The following DMC1 variants were observed in gnomAD, a reference collection of about 807,000 sequenced individuals.
DMC1 encodes DNA meiotic recombinase 1.
In DMC1, 27 loss-of-function variants were observed where a neutral mutation model predicts 50.1. That is an observed-to-expected ratio of 0.54 (90% CI 0.40 to 0.74). The LOEUF is 0.74. DMC1 is among the 30% of genes least tolerant of loss of function. The pLI is 0.00. For synonymous variants in DMC1, 148 were observed against 136.1 expected (o/e 1.09, Z -0.61); for missense variants, 295 against 420.2 (o/e 0.70, Z 2.60).
At chr22:38,554,876 G>C (rs9622828) in intron 6 of DMC1, among the ~76,000 whole-genome samples, 1,533 of 151,326 alleles carry the variant, frequency 0.01, 34 homozygotes, top group African/African-American at 0.035. Flanking sequence ...GAGGTCAGGA[G>C]ATCAAGACCA....
intron 8 of DMC1, chr22:38,546,043 C>T (rs981195622): frequency 6.6e-6 from 1 of 152,416 alleles, no homozygotes; most frequent in Non-Finnish European, 1.5e-5. Flanking sequence ...TGTTCTTCTC[C>T]ACTCTCTCTT....
chr22:38,558,848 A>G (rs989478520), intron 5 of DMC1, among the ~76,000 whole-genome samples: 2 of 152,194 alleles, frequency 1.3e-5, no homozygotes, highest in African/African-American at 4.8e-5. Flanking sequence ...TTAGACCACC[A>G]TGTGGTAGAG....
chr22:38,538,984 C>A (rs975244064), intron 9 of DMC1, among the ~76,000 whole-genome samples: 1 of 150,248 alleles, frequency 6.7e-6, no homozygotes, highest in Non-Finnish European at 1.5e-5. Context: ...TGCAGTGAGC[C>A]GAGATCATAC....
At chr22:38,528,841 G>A (rs2090124417) in intron 12 of DMC1, among the ~76,000 whole-genome samples, 1 of 152,020 alleles carries the variant, frequency 6.6e-6, no homozygotes, top group Non-Finnish European at 1.5e-5. Context: ...AAACAATTCA[G>A]CTAAAACAGT....
chr22:38,526,486 G>T (rs2090091003), intron 12 of DMC1, among the ~76,000 whole-genome samples: 1 of 152,076 alleles, frequency 6.6e-6, no homozygotes, highest in African/African-American at 2.4e-5. Context: ...GGGATTACAG[G>T]CGTGGGCCAC....
intron 5 of DMC1, among the ~76,000 whole-genome samples, chr22:38,560,558 T>G (rs1411742478): frequency 6.6e-6 from 1 of 151,608 alleles, no homozygotes; most frequent in Non-Finnish European, 1.5e-5. Context: ...GGAGGTTAAT[T>G]AGAGGTTATT....
At chr22:38,518,473 G>A (rs1045753078), downstream of DMC1, among the ~76,000 whole-genome samples, 3 of 151,778 alleles carry the variant, frequency 2.0e-5, no homozygotes, top group Non-Finnish European at 4.4e-5. Context: ...ATAATTTCAT[G>A]AATAATCAAA....
At chr22:38,552,787 A>G (rs955531741) in intron 6 of DMC1, 80 bp from the exon 7 acceptor site, 1 of 920,898 alleles carries the variant, frequency 1.1e-6, no homozygotes, top group African/African-American at 1.7e-5. Flanking sequence ...TGGCTTTAGA[A>G]TATTACTGTT....
chr22:38,532,482 C>T (rs929623065), intron 12 of DMC1, among the ~76,000 whole-genome samples: 11 of 150,442 alleles, frequency 7.3e-5, no homozygotes, highest in African/African-American at 2.4e-4. Context: ...CATTTACGCC[C>T]GGCTAATTTT....
At chr22:38,514,527 C>T (rs1346297466), downstream of DMC1, among the ~76,000 whole-genome samples, 1 of 151,936 alleles carries the variant, frequency 6.6e-6, no homozygotes, top group African/African-American at 2.4e-5. Flanking sequence ...CAGGTGTGAG[C>T]CACCAGGCAT....
At position 38,519,848 on chromosome 22, in the gene DMC1, TATC is replaced by T. The variant is rs1371883360; in HGVS notation, c.*169_*171del. The T allele has an allele frequency of 1.7e-6, 1 of 604,016 alleles. No homozygotes were observed. Among genetic ancestry groups the T allele is most frequent in the Non-Finnish European group, 3.0e-6 (1 of 329,934 alleles). The allele number at this position is 604,016 out of a possible 1,614,324, so 37.4% of individuals were successfully genotyped here. On this transcript the variant is annotated 3_prime_UTR_variant, in exon 14 of 14. Transcript: ENST00000216024. ...CCTGAATTTACATACAATGTATAGT[TATC>T]ATAAATCAGGGACTTTTAAGATAAA...
At chr22:38,521,769 A>G in intron 12 of DMC1, 45 bp from the exon 13 acceptor site, 4 of 1,294,320 alleles carry the variant, frequency 3.1e-6, no homozygotes, top group South Asian at 2.4e-5. Flanking sequence ...TATGGACTAT[A>G]TATGGCAATA....
chr22:38,533,906 A>G (rs963345546), intron 12 of DMC1, among the ~76,000 whole-genome samples: 13 of 152,254 alleles, frequency 8.5e-5, no homozygotes, highest in African/African-American at 2.9e-4. Flanking sequence ...GCCTCCTGAT[A>G]TGATATACTG....
At chr22:38,514,403 C>T (rs559586792), downstream of DMC1, among the ~76,000 whole-genome samples, 361 of 151,818 alleles carry the variant, frequency 2.4e-3, no homozygotes, top group African/African-American at 8.5e-3. Context: ...CAACATGACG[C>T]CCAGCTAATT....
chr22:38,545,484 G>C (rs557805370), intron 8 of DMC1, among the ~76,000 whole-genome samples: 1 of 152,024 alleles, frequency 6.6e-6, no homozygotes, highest in Non-Finnish European at 1.5e-5. Context: ...CTGCAGTGGC[G>C]CTATCTCGGC....
At chr22:38,514,010 C>T (rs983624905), downstream of DMC1, among the ~76,000 whole-genome samples, 5 of 152,166 alleles carry the variant, frequency 3.3e-5, no homozygotes, top group African/African-American at 4.8e-5. Flanking sequence ...ATCAGCAGAG[C>T]AGGAGATGGA....
chr22:38,528,468 A>T (rs2090120155), intron 12 of DMC1, among the ~76,000 whole-genome samples: 1 of 152,038 alleles, frequency 6.6e-6, no homozygotes, highest in African/African-American at 2.4e-5. Flanking sequence ...CACATAAGAG[A>T]TCCTCGATAA....
chr22:38,538,589 C>A lies in DMC1; in HGVS notation c.610G>T (p.Asp204Tyr). Reference protein sequence around the residue: ...YTSEHQMELLDYVAAKFHEEA... With the variant: ...YTSEHQMELLYYVAAKFHEEA... ...TCATGGAACTTTGCTGCTACATAATCAAGTAGCTCCATCTGATGTTCACCT... is the reference window on the plus strand; with the variant it reads ...TCATGGAACTTTGCTGCTACATAATAAAGTAGCTCCATCTGATGTTCACCT... Residue 204 changes from aspartate to tyrosine, a missense_variant, in exon 10 of 14, where the codon GAT (aspartate) becomes TAT (tyrosine). Asp to Tyr is a radical substitution (Grantham distance 160). Transcript: ENST00000216024. 6.2e-7 allele frequency: 1 copy of A among 1,613,758 alleles called. No homozygotes were observed. Among genetic ancestry groups the A allele is most frequent in the Non-Finnish European group, 8.5e-7 (1 of 1,179,762 alleles).
intron 12 of DMC1, among the ~76,000 whole-genome samples, chr22:38,524,582 T>C (rs2090066957): frequency 6.6e-6 from 1 of 152,180 alleles, no homozygotes; most frequent in Non-Finnish European, 1.5e-5. Context: ...CTTCCTTTTT[T>C]CTGATTTCAG....
Sources: allele counts gnomAD v4.1 joint callset (sites outside exome capture counted in the v4.1 genomes callset), GRCh38; gene constraint gnomAD v4.1.1; transcripts MANE v1.5; gene names NCBI Gene and HGNC (gene_info 2026-07-23, HGNC 2026-07-21).